RAB6A: variants seen among roughly 807,000 people sequenced by gnomAD.
RAB6A encodes the protein ras-related protein Rab-6A.
Under a neutral mutation model 32.3 loss-of-function variants are expected in RAB6A, and 8 were observed. The ratio of observed to expected loss-of-function variants is 0.25; its 90% confidence interval spans 0.15 to 0.45. The LOEUF (loss-of-function observed/expected upper bound fraction) is 0.45. Ranked by LOEUF, RAB6A falls within the 20% of genes least tolerant of loss-of-function variation. The pLI, the probability that RAB6A is intolerant of heterozygous loss-of-function variation, is 1.00. For synonymous variants in RAB6A, 73 were observed against 82.1 expected (o/e 0.89, Z 0.60); for missense variants, 104 against 249.4 (o/e 0.42, Z 3.93).
chr11:73,754,041 C>A (rs746975058), intron 1 of RAB6A, among the ~76,000 whole-genome samples: 30 of 152,188 alleles, frequency 2.0e-4, no homozygotes, highest in Non-Finnish European at 3.5e-4. Flanking sequence ...TTAAATGTCA[C>A]AATAACTCTA....
chr11:73,680,862 G>A (rs1945345440), intron 6 of RAB6A, among the ~76,000 whole-genome samples: 1 of 152,098 alleles, frequency 6.6e-6, no homozygotes, highest in African/African-American at 2.4e-5. Flanking sequence ...GAGGTATGAA[G>A]CTATGAAAAG....
chr11:73,730,689 A>G lies in RAB6A; in HGVS notation c.129+76T>C, dbSNP rs769212689. On this transcript the variant is annotated intron_variant, in intron 2 of 7. Transcript: ENST00000336083. ...CTTTTACATCCACAACTGCAAGTAAATAATTTTTTAAAAATATCTTGAATA... is the reference window on the plus strand; with the variant it reads ...CTTTTACATCCACAACTGCAAGTAAGTAATTTTTTAAAAATATCTTGAATA... 19 of 1,227,854 alleles carry G rather than the reference A, an allele frequency of 1.5e-5. No homozygotes were observed. The African/African-American group carries it at 2.6e-4, about 17-fold the overall frequency. The allele number at this position is 1,227,854 out of a possible 1,614,324, so 76.1% of individuals were successfully genotyped here. A position where few individuals can be genotyped will look rare whatever the true frequency, so the allele number is the denominator to read the frequency against.
intron 6 of RAB6A, among the ~76,000 whole-genome samples, chr11:73,698,418 T>C (rs1453387818): frequency 6.6e-6 from 1 of 152,160 alleles, no homozygotes; most frequent in Non-Finnish European, 1.5e-5. Flanking sequence ...CTCTAAAACT[T>C]TGGTTTCATA....
intron 1 of RAB6A, among the ~76,000 whole-genome samples, chr11:73,731,360 T>G (rs1380296312): frequency 6.6e-6 from 1 of 151,694 alleles, no homozygotes; most frequent in East Asian, 1.9e-4. Flanking sequence ...CTGGCCAACA[T>G]GGTGAAATCG....
intron 1 of RAB6A, among the ~76,000 whole-genome samples, chr11:73,734,212 A>G (rs1946359901): frequency 6.6e-6 from 1 of 152,014 alleles, no homozygotes; most frequent in Non-Finnish European, 1.5e-5. Context: ...TGCAACCTTC[A>G]CCTCCTGGGG....
At chr11:73,744,541 A>G (rs1160017398) in intron 1 of RAB6A, among the ~76,000 whole-genome samples, 2 of 108,268 alleles carry the variant, frequency 1.8e-5, no homozygotes, top group Non-Finnish European at 3.9e-5. Flanking sequence ...AAAAAAAAAA[A>G]AAAAAAGAAT....
In RAB6A at chr11:73,760,843, C is replaced by G. The variant is rs1017703900; in HGVS notation, c.-208G>C. The G allele has an allele frequency of 8.4e-6, 5 of 591,782 alleles. No individual in the cohort carries two copies. Among genetic ancestry groups the G allele is most frequent in the Middle Eastern group, 9.7e-4 (2 of 2,052 alleles). The allele number at this position is 591,782 out of a possible 1,614,324, so 36.7% of individuals were successfully genotyped here. Reference sequence around the variant, plus strand: ...CGCCTCCCGGCAGAGTAGCCTAGCACCGAGCGAGGCCCGCGGCTGGGAAGG... The same window carrying G: ...CGCCTCCCGGCAGAGTAGCCTAGCAGCGAGCGAGGCCCGCGGCTGGGAAGG... On this transcript the variant is annotated 5_prime_UTR_variant, in exon 1 of 8. Transcript: ENST00000336083.
chr11:73,701,039 C>T (rs142855830), intron 6 of RAB6A, among the ~76,000 whole-genome samples: 2 of 152,108 alleles, frequency 1.3e-5, no homozygotes, highest in Admixed American at 1.3e-4. Flanking sequence ...AAAACAGTAA[C>T]TGTGAAAGCC....
intron 1 of RAB6A, among the ~76,000 whole-genome samples, chr11:73,741,424 C>T (rs1449343766): frequency 6.6e-6 from 1 of 152,098 alleles, no homozygotes; most frequent in Non-Finnish European, 1.5e-5. Flanking sequence ...AGGCGTGAGC[C>T]ACCGTGCCTG....
At chr11:73,713,481 T>C (rs1945999397) in intron 5 of RAB6A, among the ~76,000 whole-genome samples, 1 of 149,692 alleles carries the variant, frequency 6.7e-6, no homozygotes, top group Admixed American at 6.7e-5. Context: ...GGCAGGAGAA[T>C]GGCGTGAACC....
chr11:73,758,886 T>C (rs1386263370), intron 1 of RAB6A, among the ~76,000 whole-genome samples: 1 of 152,174 alleles, frequency 6.6e-6, no homozygotes, highest in Non-Finnish European at 1.5e-5. Flanking sequence ...CCATAGGTTC[T>C]ACCAAGTTAC....
chr11:73,735,190 A>C (rs962532378), intron 1 of RAB6A, among the ~76,000 whole-genome samples: 4 of 152,348 alleles, frequency 2.6e-5, no homozygotes, highest in South Asian at 4.1e-4. Flanking sequence ...AAGGCCAGAC[A>C]CAACAATGAT....
chr11:73,728,017 A>T (rs1946247957), intron 2 of RAB6A, among the ~76,000 whole-genome samples: 1 of 152,198 alleles, frequency 6.6e-6, no homozygotes, highest in East Asian at 1.9e-4. Context: ...AAGGCAGTTT[A>T]AATCTATGCT....
intron 6 of RAB6A, among the ~76,000 whole-genome samples, chr11:73,683,090 ACAAT>A (rs547698819): frequency 4.8e-4 from 73 of 151,050 alleles, no homozygotes; most frequent in African/African-American, 1.7e-3. Flanking sequence ...CTTGAAAATC[ACAAT>A]CTATTTATTA....
intron 5 of RAB6A, among the ~76,000 whole-genome samples, chr11:73,715,678 TG>T (rs1356690757): frequency 3.9e-5 from 6 of 152,234 alleles, no homozygotes; most frequent in Non-Finnish European, 7.3e-5. Context: ...ATTCAAGCCA[TG>T]GGTCCTACAG....
intron 6 of RAB6A, among the ~76,000 whole-genome samples, chr11:73,681,556 T>G (rs1945356831): frequency 6.6e-6 from 1 of 152,242 alleles, no homozygotes; most frequent in Non-Finnish European, 1.5e-5. Flanking sequence ...CTCACGCCTG[T>G]AATCTCAGCA....
At chr11:73,704,949 T>A (rs1340098301) in intron 6 of RAB6A, among the ~76,000 whole-genome samples, 1 of 151,874 alleles carries the variant, frequency 6.6e-6, no homozygotes, top group Non-Finnish European at 1.5e-5. Flanking sequence ...TGAGCCGAGA[T>A]CACGCCACTG....
At position 73,739,290 on chromosome 11, in the gene RAB6A, T is replaced by C. The variant is rs866049202; in HGVS notation, c.71-8467A>G. The stretch of plus-strand genomic sequence containing the variant: ...AAAAAAAAAAAAAAAAAAAAATATA[T>C]ATATATATATATATAAATACTGGAA... On this transcript the variant is annotated intron_variant, in intron 1 of 7. Transcript: ENST00000336083. Among the ~76,000 whole-genome samples, 8 of 50,968 alleles carry C rather than the reference T, an allele frequency of 1.6e-4. 1 individual carries two copies. The highest frequency in any genetic ancestry group is 5.1e-4 in the African/African-American group (8 of 15,712). The allele number at this position is 50,968 out of a possible 152,430, so 33.4% of individuals were successfully genotyped here. A position where few individuals can be genotyped will look rare whatever the true frequency, so the allele number is the denominator to read the frequency against.
At chr11:73,727,417 C>T (rs773961028) in intron 2 of RAB6A, among the ~76,000 whole-genome samples, 21 of 147,064 alleles carry the variant, frequency 1.4e-4, no homozygotes, top group Non-Finnish European at 3.1e-4. Flanking sequence ...CAAAGCAATA[C>T]TCTATCTCTT....
Sources: gnomAD v4.1 joint callset for allele counts (sites outside exome capture counted in the v4.1 genomes callset) on GRCh38, gnomAD v4.1.1 for gene constraint, MANE v1.5 for transcripts, NCBI Gene and HGNC (gene_info 2026-07-23, HGNC 2026-07-21) for gene names.